RELN: variants seen among roughly 807,000 people sequenced by gnomAD.
The protein encoded by RELN is reelin.
Under a neutral mutation model 427.6 loss-of-function variants are expected in RELN, and 108 were observed. That is an observed-to-expected ratio of 0.25 (90% CI 0.22 to 0.30). The LOEUF (loss-of-function observed/expected upper bound fraction) is 0.30, where lower values mean the gene tolerates loss of function less well. RELN is among the 10% of genes least tolerant of loss of function. The pLI is 1.00. For synonymous variants in RELN, 1,524 were observed against 1,513.4 expected, an observed-to-expected ratio of 1.01 and a Z score of -0.16; for missense variants, 3,715 against 4,302.8, an observed-to-expected ratio of 0.86 and a Z score of 3.82.
intron 2 of RELN, among the ~76,000 whole-genome samples, chr7:103,850,351 C>T (rs550954387): frequency 9.2e-5 from 14 of 152,186 alleles, no homozygotes; most frequent in South Asian, 2.1e-4. Flanking sequence ...GGTCTGTTTG[C>T]GGGAGAAGTT....
rs970455795 is a variant in RELN, at chr7:103,491,810, C to A, written c.9443+143G>T. ...CACCATTGCACTCCAGCCTGGGCAA[C>A]AAGAGCGAAACTGTCTCTCTCTCTC... On this transcript the variant is annotated intron_variant, in intron 58 of 64. Transcript: ENST00000428762. 6.1e-4 allele frequency: 409 copies of A among 675,026 alleles called. 4 individuals are homozygous for A. The highest frequency in any genetic ancestry group is 1.5e-4 in the Non-Finnish European group (57 of 381,416). The allele number at this position is 675,026 out of a possible 1,614,324, so 41.8% of individuals were successfully genotyped here.
At chr7:103,708,556 C>T (rs1022483637) in intron 8 of RELN, among the ~76,000 whole-genome samples, 19 of 146,838 alleles carry the variant, frequency 1.3e-4, no homozygotes, top group Non-Finnish European at 1.5e-4. Flanking sequence ...ATCCGCCTCC[C>T]GGGTTCATGC....
intron 3 of RELN, among the ~76,000 whole-genome samples, chr7:103,832,465 G>C (rs796688274): frequency 7.2e-5 from 11 of 152,236 alleles, no homozygotes; most frequent in African/African-American, 2.6e-4. Flanking sequence ...TGCCTTCAAG[G>C]CTCTTGCATT....
At chr7:103,978,403 T>G (rs1461962032) in intron 1 of RELN, among the ~76,000 whole-genome samples, 3 of 152,230 alleles carry the variant, frequency 2.0e-5, no homozygotes, top group Non-Finnish European at 2.9e-5. Context: ...AAAAGTTTCC[T>G]TCTTTTTTAG....
At chr7:103,923,213 T>A (rs1795653666) in intron 1 of RELN, among the ~76,000 whole-genome samples, 1 of 152,148 alleles carries the variant, frequency 6.6e-6, no homozygotes, top group South Asian at 2.1e-4. Context: ...ACTGAGCATA[T>A]TTGCTGCAAA....
At chr7:103,660,096 A>G (rs1833106158) in intron 12 of RELN, among the ~76,000 whole-genome samples, 1 of 152,166 alleles carries the variant, frequency 6.6e-6, no homozygotes, top group African/African-American at 2.4e-5. Flanking sequence ...TATAATGATG[A>G]CTTAATCTCA....
rs362778 is a variant in RELN at position 103,549,818 on chromosome 7, T to C, written c.6302+1249A>G. On this transcript the variant is annotated intron_variant, in intron 41 of 64. Transcript: ENST00000428762. Reference sequence around the variant, plus strand: ...GCCTCTTTATATTTCTTGCAACATATGATCTTAAATAATACAACCATTTCG... The same window carrying C: ...GCCTCTTTATATTTCTTGCAACATACGATCTTAAATAATACAACCATTTCG... Among the ~76,000 whole-genome samples the C allele has an allele frequency of 3.7e-4, 56 of 152,354 alleles. No individual in the cohort carries two copies. The East Asian group carries it at 0.01, about 28-fold the overall frequency.
intron 1 of RELN, among the ~76,000 whole-genome samples, chr7:103,983,103 C>T (rs1362786154): frequency 1.3e-5 from 2 of 152,290 alleles, no homozygotes; most frequent in Non-Finnish European, 2.9e-5. Flanking sequence ...GGATTCAATG[C>T]TATCTAATTA....
intron 20 of RELN, among the ~76,000 whole-genome samples, chr7:103,613,376 G>A (rs1286876443): frequency 6.6e-6 from 1 of 152,274 alleles, no homozygotes; most frequent in African/African-American, 2.4e-5. Context: ...ATGATACTCT[G>A]ATGTTAAAAA....
At position 103,472,815 on chromosome 7, in the gene RELN, TG is replaced by T; in HGVS notation, c.10379del (p.Pro3460HisfsTer22). 6.2e-7 allele frequency: 1 copy of T among 1,612,604 alleles called. No homozygotes were observed. Among genetic ancestry groups the T allele is most frequent in the Non-Finnish European group, 8.5e-7 (1 of 1,178,564 alleles). On this transcript the variant is annotated frameshift_variant, in exon 65 of 65. Coordinates refer to ENST00000428762, the MANE Select transcript of RELN (RefSeq NM_005045.4). LOFTEE classifies it high-confidence loss of function. Reference protein sequence around the residue: ...NRRRRSLRRYP With the variant: ...NRRRRSLRRYX The stretch of plus-strand genomic sequence containing the variant: ...AAAAAATAAACTTTTTGATTCTTCA[TG>T]GGTATCGCCTAAGTGACCTTCGTCT...
At chr7:103,876,810 T>C (rs1027905385) in intron 2 of RELN, among the ~76,000 whole-genome samples, 6 of 151,596 alleles carry the variant, frequency 4.0e-5, no homozygotes, top group Admixed American at 6.6e-5. Context: ...TGAAAAACTC[T>C]TGGTTAAAAA....
intron 1 of RELN, among the ~76,000 whole-genome samples, chr7:103,919,320 C>T (rs1795561602): frequency 6.6e-6 from 1 of 151,854 alleles, no homozygotes; most frequent in African/African-American, 2.4e-5. Flanking sequence ...TTCAGAATGT[C>T]TGCAGCCCAC....
chr7:103,969,318 T>A (rs1025518265), intron 1 of RELN, among the ~76,000 whole-genome samples: 4 of 152,232 alleles, frequency 2.6e-5, no homozygotes, highest in African/African-American at 4.8e-5. Context: ...TTCTCCATAT[T>A]GCTGTATTCA....
chr7:103,581,948 G>T (rs1432078357), intron 28 of RELN, among the ~76,000 whole-genome samples: 1 of 152,006 alleles, frequency 6.6e-6, no homozygotes, highest in Non-Finnish European at 1.5e-5. Flanking sequence ...AACCATGAGA[G>T]ATAATAAATC....
chr7:103,529,134 C>CA lies in RELN; in HGVS notation c.7350-5604dup, dbSNP rs11301890. Among the ~76,000 whole-genome samples, 33 of 146,590 alleles carry CA rather than the reference C, an allele frequency of 2.3e-4. No homozygotes were observed. In the South Asian group the frequency reaches 2.9e-3, roughly 13 times the overall value. The stretch of plus-strand genomic sequence containing the variant: ...CTGACAACAGAGTGAGACTCCATCT[C>CA]AAAAAAAAAAAAAGTCCTCTCTAAA... On this transcript the variant is annotated intron_variant, in intron 46 of 64. Transcript: ENST00000428762.
intron 2 of RELN, among the ~76,000 whole-genome samples, chr7:103,856,303 C>G (rs13232747): frequency 3.3e-5 from 5 of 151,672 alleles, no homozygotes; most frequent in African/African-American, 4.8e-5. Context: ...ATGGGCTGGG[C>G]GCGGTGGCTC....
At position 103,771,540 on chromosome 7, in the gene RELN, G is replaced by A. The variant is rs561531336; in HGVS notation, c.544+5017C>T. 3.3e-5 allele frequency among the ~76,000 whole-genome samples: 5 copies of A among 152,258 alleles called. No homozygotes were observed. In the East Asian group the frequency reaches 9.7e-4, roughly 29 times the overall value. Reference sequence around the variant, plus strand: ...AGGCCCCCTTCTCAGCAGGCTGCTGGAGAACTCTGCAACTCCCTCAGAGCC... The same window carrying A: ...AGGCCCCCTTCTCAGCAGGCTGCTGAAGAACTCTGCAACTCCCTCAGAGCC... On this transcript the variant is annotated intron_variant, in intron 4 of 64. Coordinates refer to ENST00000428762, the MANE Select transcript of RELN (RefSeq NM_005045.4).
chr7:103,786,847 C>A (rs1439736482), intron 3 of RELN, among the ~76,000 whole-genome samples: 1 of 152,020 alleles, frequency 6.6e-6, no homozygotes, highest in Non-Finnish European at 1.5e-5. Context: ...CTGGACCAAG[C>A]GGACCTAAAA....
chr7:103,907,779 TTA>T (rs1491304700), intron 2 of RELN, among the ~76,000 whole-genome samples: 17 of 96,768 alleles, frequency 1.8e-4, no homozygotes, highest in East Asian at 1.5e-3. Flanking sequence ...TTTTTCTTTT[TTA>T]AAAAAAAACT....
Sources: allele counts gnomAD v4.1 joint callset (sites outside exome capture counted in the v4.1 genomes callset), GRCh38; gene constraint gnomAD v4.1.1; transcripts MANE v1.5; gene names NCBI Gene and HGNC (gene_info 2026-07-23, HGNC 2026-07-21).